The following PCDHGA9 variants were observed in gnomAD, a reference collection of about 807,000 sequenced individuals.
PCDHGA9 encodes the protein protocadherin gamma subfamily A, 9, also known as protocadherin gamma-A9.
A neutral mutation model predicts 62.5 loss-of-function variants in PCDHGA9; 37 were observed. That is an observed-to-expected ratio of 0.59 (90% CI 0.46 to 0.78). The LOEUF is 0.78. Ranked by LOEUF, PCDHGA9 falls within the 30% of genes least tolerant of loss-of-function variation. PCDHGA9 has a pLI of 0.00. For missense variants in PCDHGA9, 1,138 were observed against 1,166.2 expected, an observed-to-expected ratio of 0.98 and a Z score of 0.35; for synonymous variants, 459 against 484.6, an observed-to-expected ratio of 0.95 and a Z score of 0.69.
In PCDHGA9 at chr5:141,415,732, T is replaced by C. The variant is rs1159160519; in HGVS notation, c.2424+10356T>C. 4 of 1,411,138 alleles carry C rather than the reference T, an allele frequency of 2.8e-6. No individual in the cohort carries two copies. In the South Asian group the frequency reaches 5.0e-5, roughly 18 times the overall value. The allele number at this position is 1,411,138 out of a possible 1,614,324, so 87.4% of individuals were successfully genotyped here. ...AACACTGATGAGTAGAATTTGATGT[T>C]TATTAAGGTTTTTTTTTTTTTTTTT... On this transcript the variant is annotated intron_variant, in intron 1 of 3. Coordinates refer to ENST00000573521, the MANE Select transcript of PCDHGA9 (RefSeq NM_018921.3).
At chr5:141,505,935 C>T (rs2099849264) in intron 3 of PCDHGA9, among the ~76,000 whole-genome samples, 1 of 152,146 alleles carries the variant, frequency 6.6e-6, no homozygotes, top group African/African-American at 2.4e-5. Flanking sequence ...CGCTTGGAAG[C>T]CCTCAAGCAA....
chr5:141,474,608 T>C (rs1469173973), intron 1 of PCDHGA9, among the ~76,000 whole-genome samples: 1 of 152,268 alleles, frequency 6.6e-6, no homozygotes, highest in Non-Finnish European at 1.5e-5. Flanking sequence ...AGGTCACATA[T>C]GGCTTTTCAT....
chr5:141,424,023 A>G (rs1391381195), intron 1 of PCDHGA9: 1 of 1,047,166 alleles, frequency 9.5e-7, no homozygotes, highest in Non-Finnish European at 1.2e-6. Context: ...TGATTCACAA[A>G]CACTTTTTAT....
At chr5:141,500,438 T>C (rs977844035) in intron 2 of PCDHGA9, among the ~76,000 whole-genome samples, 2 of 151,816 alleles carry the variant, frequency 1.3e-5, no homozygotes, top group African/African-American at 4.8e-5. Flanking sequence ...CTCGATCTCC[T>C]GACCTCGTGA....
At chr5:141,474,754 T>C (rs1351752958) in intron 1 of PCDHGA9, among the ~76,000 whole-genome samples, 4 of 152,228 alleles carry the variant, frequency 2.6e-5, no homozygotes, top group Non-Finnish European at 4.4e-5. Flanking sequence ...CCAAGACAAA[T>C]ATACAGAAAT....
chr5:141,430,987 C>T (rs1171599563), intron 1 of PCDHGA9: 2 of 1,613,690 alleles, frequency 1.2e-6, no homozygotes, highest in African/African-American at 2.7e-5. Context: ...AGCTTTTCGC[C>T]CTGAATCCGC....
Position 141,403,524 on chromosome 5 carries a change from A to T in PCDHGA9, c.572A>T (p.Asn191Ile). Residue 191 changes from asparagine (N) to isoleucine (I), a missense_variant, in exon 1 of 4, where the codon AAC becomes ATC. Transcript: ENST00000573521. The part of the protein sequence containing the change: ...NVQTGDNGAI[N>I]PELVLERALD... The stretch of plus-strand genomic sequence containing the variant: ...CAGACTGGAGACAATGGAGCCATAA[A>T]CCCAGAGCTGGTGCTGGAGCGCGCC... 1 of 1,613,890 alleles carries T rather than the reference A, an allele frequency of 6.2e-7. No homozygotes were observed.
At chr5:141,414,514 G>A in intron 1 of PCDHGA9, 1 of 1,613,964 alleles carries the variant, frequency 6.2e-7, no homozygotes, top group Non-Finnish European at 8.5e-7. Context: ...GCTACAAGTG[G>A]CAGATATCAA....
chr5:141,419,604 C>T (rs1279434352), intron 1 of PCDHGA9: 1 of 1,611,850 alleles, frequency 6.2e-7, no homozygotes, highest in East Asian at 2.2e-5. Flanking sequence ...CCGCGGGCCG[C>T]GCAGCCAGGC....
Position 141,417,842 on chromosome 5 carries a change from C to A in PCDHGA9, c.2424+12466C>A, listed in dbSNP as rs1247720013. 3 of 1,537,164 alleles carry A rather than the reference C, an allele frequency of 2.0e-6. No homozygotes were observed. The South Asian group carries it at 3.6e-5, about 19-fold the overall frequency. Reference sequence around the variant, plus strand: ...TCCAACTGGAAAAGCGGGGACCCAGCGAGAACCCGAGCGAACGATGGGAGG... The same window carrying A: ...TCCAACTGGAAAAGCGGGGACCCAGAGAGAACCCGAGCGAACGATGGGAGG... On this transcript the variant is annotated intron_variant, in intron 1 of 3. Transcript: ENST00000573521.
At chr5:141,472,022 T>A (rs949257396) in intron 1 of PCDHGA9, among the ~76,000 whole-genome samples, 6 of 152,176 alleles carry the variant, frequency 3.9e-5, no homozygotes, top group African/African-American at 1.4e-4. Context: ...CTATATTGTA[T>A]GTAGAAAGCT....
Position 141,422,436 on chromosome 5 carries a change from C to T in PCDHGA9, c.2424+17060C>T, listed in dbSNP as rs200737047. The T allele has an allele frequency of 1.2e-5, 20 of 1,609,634 alleles. No homozygotes were observed. The East Asian group carries it at 4.0e-4, about 32-fold the overall frequency. On this transcript the variant is annotated intron_variant, in intron 1 of 3. Coordinates refer to ENST00000573521, the MANE Select transcript of PCDHGA9 (RefSeq NM_018921.3). The stretch of plus-strand genomic sequence containing the variant: ...TAGAAAAGACTTATGGAAATTATTA[C>T]AAATTGATAACAAGCAGAGTGCTGG...
chr5:141,403,121 C>A lies in PCDHGA9; in HGVS notation c.169C>A (p.Arg57=). The A allele has an allele frequency of 6.2e-7, 1 of 1,614,046 alleles. No homozygotes were observed. Among genetic ancestry groups the A allele is most frequent in the Middle Eastern group, 1.6e-4 (1 of 6,062 alleles). The change falls in exon 1 of 4, where the codon CGG becomes AGG. Residue 57 remains arginine, a synonymous_variant. Transcript: ENST00000573521. ...NISKDLALEP[R]ELAERRVRIV... is the part of the protein sequence containing the mutation. ...CTCCAAGGACCTGGCTCTGGAGCCCCGGGAGCTGGCGGAGCGCCGAGTCCG... is the reference window on the plus strand; with the variant it reads ...CTCCAAGGACCTGGCTCTGGAGCCCAGGGAGCTGGCGGAGCGCCGAGTCCG...
chr5:141,415,507 A>G, intron 1 of PCDHGA9: 1 of 1,614,156 alleles, frequency 6.2e-7, no homozygotes, highest in Admixed American at 1.7e-5. Context: ...CCCCCAGCCC[A>G]ATTATGCGGA....
At chr5:141,443,853 A>G (rs929370798) in intron 1 of PCDHGA9, among the ~76,000 whole-genome samples, 3 of 152,230 alleles carry the variant, frequency 2.0e-5, no homozygotes, top group African/African-American at 7.2e-5. Flanking sequence ...GGAAAGTCTG[A>G]AAACTGAAAA....
chr5:141,485,444 G>A lies in PCDHGA9; in HGVS notation c.2425-9363G>A. 1 of 1,614,110 alleles carries A rather than the reference G, an allele frequency of 6.2e-7. No individual in the cohort carries two copies. Among genetic ancestry groups the A allele is most frequent in the Non-Finnish European group, 8.5e-7 (1 of 1,180,020 alleles). On this transcript the variant is annotated intron_variant, in intron 1 of 3. Coordinates refer to ENST00000573521, the MANE Select transcript of PCDHGA9 (RefSeq NM_018921.3). This position sits in a 1 kb window ranked among gnomAD's most constrained non-coding sequence, Gnocchi z 5.7. ...AGCCCTGCTCATCAAGAACCCAATC[G>A]ACCGAGAGGCACTGTGTGGGCTCAG...
At chr5:141,494,455 G>A (rs906714175) in intron 1 of PCDHGA9, among the ~76,000 whole-genome samples, 2 of 152,156 alleles carry the variant, frequency 1.3e-5, no homozygotes, top group African/African-American at 4.8e-5. Flanking sequence ...AGGGGGCTTT[G>A]TCTGCACCTC....
chr5:141,489,206 C>A lies in PCDHGA9; in HGVS notation c.2425-5601C>A. On this transcript the variant is annotated intron_variant, in intron 1 of 3. Transcript: ENST00000573521. This position sits in a 1 kb window ranked among gnomAD's most constrained non-coding sequence, Gnocchi z 4.5. ...TGGGTCTACCTTGGAGACAGGACAG[C>A]ACAGACTTACTCTCCACAAAGGGAC... 2 of 1,439,024 alleles carry A rather than the reference C, an allele frequency of 1.4e-6. No individual in the cohort carries two copies. Among genetic ancestry groups the A allele is most frequent in the Non-Finnish European group, 1.9e-6 (2 of 1,060,928 alleles). 89.1% of individuals were successfully genotyped at this position (1,439,024 alleles called of 1,614,324 possible). A position where few individuals can be genotyped will look rare whatever the true frequency, so the allele number is the denominator to read the frequency against.
intron 1 of PCDHGA9, chr5:141,418,511 G>A: frequency 5.6e-6 from 9 of 1,613,974 alleles, no homozygotes; most frequent in Non-Finnish European, 7.6e-6. Context: ...CTTAGATGGT[G>A]GGGACCCTCC....
Sources: gnomAD v4.1 joint callset for allele counts (sites outside exome capture counted in the v4.1 genomes callset) on GRCh38, gnomAD v4.1.1 for gene constraint, Gnocchi (gnomAD v3.1) non-coding constraint, MANE v1.5 for transcripts, NCBI Gene and HGNC (gene_info 2026-07-23, HGNC 2026-07-21) for gene names.